Variants in SEC63 observed in about 807,000 individuals in gnomAD.
SEC63 encodes the protein SEC63 protein translocation regulator.
In SEC63, 56 loss-of-function variants were observed where a neutral mutation model predicts 116.2. The observed-to-expected ratio is 0.48, with a 90% CI of 0.39 to 0.60. The LOEUF (loss-of-function observed/expected upper bound fraction) is 0.60, where lower values mean the gene tolerates loss of function less well. SEC63 is among the 20% of genes least tolerant of loss of function. The pLI is 0.00. For synonymous variants in SEC63, 273 were observed against 294.6 expected, an observed-to-expected ratio of 0.93 and a Z score of 0.75; for missense variants, 668 against 900.0, an observed-to-expected ratio of 0.74 and a Z score of 3.30.
chr6:107,921,313 C>T (rs1056320094), intron 4 of SEC63, among the ~76,000 whole-genome samples: 1 of 151,962 alleles, frequency 6.6e-6, no homozygotes, highest in Non-Finnish European at 1.5e-5. Context: ...GTTTACATGG[C>T]AAAAATTACA....
chr6:107,937,992 C>G (rs1435834226), intron 1 of SEC63, among the ~76,000 whole-genome samples: 1 of 152,120 alleles, frequency 6.6e-6, no homozygotes, highest in Admixed American at 6.6e-5. Context: ...TCTGTTTACT[C>G]TGTTGATAGT....
chr6:107,953,223 G>C (rs1770616212), intron 1 of SEC63, among the ~76,000 whole-genome samples: 1 of 152,242 alleles, frequency 6.6e-6, no homozygotes, highest in African/African-American at 2.4e-5. Context: ...TCACGCCACT[G>C]CACTTCAGCC....
At chr6:107,953,381 T>A (rs1770619140) in intron 1 of SEC63, among the ~76,000 whole-genome samples, 1 of 152,198 alleles carries the variant, frequency 6.6e-6, no homozygotes, top group Admixed American at 6.5e-5. Flanking sequence ...ATTTGCCCCG[T>A]CCGGGAAGGA....
Position 107,958,148 on chromosome 6 carries a change from C to T in SEC63, c.-139G>A. 1.5e-6 allele frequency: 2 copies of T among 1,349,828 alleles called. No individual in the cohort carries two copies. Among genetic ancestry groups the T allele is most frequent in the South Asian group, 2.5e-5 (2 of 81,612 alleles). 83.6% of individuals were successfully genotyped at this position (1,349,828 alleles called of 1,614,324 possible). A position where few individuals can be genotyped will look rare whatever the true frequency, so the allele number is the denominator to read the frequency against. On this transcript the variant is annotated 5_prime_UTR_variant, in exon 1 of 21. Coordinates refer to ENST00000369002, the MANE Select transcript of SEC63 (RefSeq NM_007214.5). Reference sequence around the variant, plus strand: ...CTCTCCTCCCCGCCCCCACGCCACTCTCACGGACACGCCGCCGCCACCTCT... The same window carrying T: ...CTCTCCTCCCCGCCCCCACGCCACTTTCACGGACACGCCGCCGCCACCTCT...
intron 2 of SEC63, among the ~76,000 whole-genome samples, chr6:107,925,408 C>T (rs1787652434): frequency 6.6e-6 from 1 of 152,028 alleles, no homozygotes; most frequent in Non-Finnish European, 1.5e-5. Context: ...TTACGGCTCA[C>T]AGGAACTGAT....
chr6:107,927,968 T>G (rs914879794), intron 2 of SEC63, among the ~76,000 whole-genome samples: 3 of 152,158 alleles, frequency 2.0e-5, no homozygotes, highest in Non-Finnish European at 4.4e-5. Context: ...GATTCACAGT[T>G]GGGTGAATCT....
chr6:107,917,469 ACT>A (rs1232492359), intron 4 of SEC63, among the ~76,000 whole-genome samples: 1 of 152,024 alleles, frequency 6.6e-6, no homozygotes, highest in Non-Finnish European at 1.5e-5. Context: ...ACGAAAAAAG[ACT>A]CACACGTCTC....
intron 14 of SEC63, among the ~76,000 whole-genome samples, chr6:107,895,594 G>C (rs1786795083): frequency 6.6e-6 from 1 of 151,996 alleles, no homozygotes; most frequent in Non-Finnish European, 1.5e-5. Flanking sequence ...TTTAGGCATG[G>C]GATATAAATG....
At chr6:107,911,286 C>T (rs1258160533) in intron 7 of SEC63, 60 bp downstream of exon 7, 11 of 1,128,694 alleles carry the variant, frequency 9.7e-6, no homozygotes, top group Non-Finnish European at 1.3e-5. Context: ...TATAGGGAGA[C>T]TCCAAAACAT....
At chr6:107,927,335 G>A (rs978180534) in intron 2 of SEC63, among the ~76,000 whole-genome samples, 2 of 152,242 alleles carry the variant, frequency 1.3e-5, no homozygotes, top group African/African-American at 2.4e-5. Flanking sequence ...CAAAGTGCTC[G>A]GATTACAGGC....
intron 4 of SEC63, among the ~76,000 whole-genome samples, chr6:107,919,421 G>T (rs932851768): frequency 6.6e-6 from 1 of 152,194 alleles, no homozygotes; most frequent in Non-Finnish European, 1.5e-5. Flanking sequence ...ATCTATTCCT[G>T]ATGAAGATGC....
chr6:107,887,967 C>A (rs952352555), intron 16 of SEC63, among the ~76,000 whole-genome samples: 1 of 152,206 alleles, frequency 6.6e-6, no homozygotes, highest in African/African-American at 2.4e-5. Flanking sequence ...TGTTTTGGTA[C>A]GAGTACCATG....
intron 16 of SEC63, among the ~76,000 whole-genome samples, chr6:107,890,189 T>A (rs1302235623): frequency 2.0e-5 from 3 of 152,168 alleles, no homozygotes; most frequent in Admixed American, 1.3e-4. Flanking sequence ...CCCACTATTA[T>A]TGTGTGGGAG....
intron 8 of SEC63, among the ~76,000 whole-genome samples, chr6:107,908,609 G>A (rs1270841005): frequency 3.3e-5 from 5 of 152,056 alleles, no homozygotes; most frequent in Admixed American, 2.6e-4. Flanking sequence ...AATTAAATGA[G>A]TCAAGACACA....
chr6:107,876,551 G>A lies in SEC63; in HGVS notation c.2034+13C>T. The A allele has an allele frequency of 2.0e-6, 3 of 1,474,740 alleles. No homozygotes were observed. The highest frequency in any genetic ancestry group is 2.8e-6 in the Non-Finnish European group (3 of 1,055,774). 91.4% of individuals were successfully genotyped at this position (1,474,740 alleles called of 1,614,324 possible). ...CCTTGTTAAACACTGAAATCATGTT[G>A]CTTGATAGTTACCTCCTCTGTATCT... On this transcript the variant is annotated intron_variant, in intron 19 of 20. Transcript: ENST00000369002.
intron 16 of SEC63, among the ~76,000 whole-genome samples, chr6:107,890,381 G>A (rs1316073789): frequency 2.0e-5 from 3 of 152,160 alleles, no homozygotes; most frequent in Non-Finnish European, 4.4e-5. Context: ...TCAGAGACTA[G>A]GATTATAAAC....
At chr6:107,873,762 C>T (rs1034363820) in intron 19 of SEC63, among the ~76,000 whole-genome samples, 1 of 151,916 alleles carries the variant, frequency 6.6e-6, no homozygotes, top group African/African-American at 2.4e-5. Context: ...ACTTGCAACA[C>T]ATATCACAAA....
intron 10 of SEC63, 126 bp from the exon 11 acceptor site, chr6:107,904,847 C>T: frequency 1.3e-6 from 1 of 773,818 alleles, no homozygotes; most frequent in South Asian, 1.4e-5. Flanking sequence ...CAGAATTTTA[C>T]AGATTGAATG....
intron 8 of SEC63, among the ~76,000 whole-genome samples, chr6:107,907,647 C>A (rs1221016843): frequency 6.6e-6 from 1 of 152,112 alleles, no homozygotes; most frequent in Admixed American, 6.6e-5. Flanking sequence ...AGTGCACAGA[C>A]CTTGGTATTT....
Sources: allele counts gnomAD v4.1 joint callset (sites outside exome capture counted in the v4.1 genomes callset), GRCh38; gene constraint gnomAD v4.1.1; transcripts MANE v1.5; gene names NCBI Gene and HGNC (gene_info 2026-07-23, HGNC 2026-07-21).